The following EYS variants were observed in gnomAD, a reference collection of about 807,000 sequenced individuals.
The protein encoded by EYS is EGF-like photoreceptor maintenance factor.
Under a neutral mutation model 282.1 loss-of-function variants are expected in EYS, and 250 were observed. The observed-to-expected ratio is 0.89, with a 90% CI of 0.80 to 0.98. The LOEUF (loss-of-function observed/expected upper bound fraction) is 0.98, where lower values mean the gene tolerates loss of function less well. Among genes scored for constraint, EYS ranks in the 50% least tolerant of loss-of-function variants. The probability of loss-of-function intolerance (pLI) is 0.00; values close to 1 mark genes in which losing one functional copy is unlikely to be tolerated. For synonymous variants in EYS, 1,355 were observed against 1,282.9 expected (o/e 1.06, Z -1.20); for missense variants, 4,016 against 3,709.0 (o/e 1.08, Z -2.15).
chr6:65,194,292 C>G (rs1442944101), intron 12 of EYS, among the ~76,000 whole-genome samples: 1 of 151,870 alleles, frequency 6.6e-6, no homozygotes, highest in African/African-American at 2.4e-5. Flanking sequence ...TCCATTACTA[C>G]AGTTTGATAT....
At chr6:64,262,287 TA>T (rs1336564529) in intron 30 of EYS, among the ~76,000 whole-genome samples, 1 of 151,828 alleles carries the variant, frequency 6.6e-6, no homozygotes, top group Non-Finnish European at 1.5e-5. Flanking sequence ...TGGTAAACAT[TA>T]TCTGAGTTTT....
intron 26 of EYS, among the ~76,000 whole-genome samples, chr6:64,471,507 C>G (rs891857155): frequency 5.9e-5 from 9 of 151,968 alleles, no homozygotes; most frequent in Admixed American, 6.6e-5. Context: ...TACAAAAATA[C>G]CTAGGAATAA....
At chr6:64,019,618 C>T (rs1391553880) in intron 33 of EYS, among the ~76,000 whole-genome samples, 2 of 151,584 alleles carry the variant, frequency 1.3e-5, no homozygotes, top group Non-Finnish European at 2.9e-5. Context: ...ACCATATTGG[C>T]CAGGCTGGTC....
At chr6:65,534,832 AAAC>A (rs1403618380) in intron 2 of EYS, among the ~76,000 whole-genome samples, 1 of 152,174 alleles carries the variant, frequency 6.6e-6, no homozygotes, top group African/African-American at 2.4e-5. Flanking sequence ...TGCTCTGAAT[AAAC>A]AACTTTTACT....
chr6:64,608,912 T>C (rs144865615), intron 24 of EYS, among the ~76,000 whole-genome samples: 1 of 152,288 alleles, frequency 6.6e-6, no homozygotes, highest in Non-Finnish European at 1.5e-5. Flanking sequence ...GACAGAGGAA[T>C]TCACAGGAGG....
At chr6:64,751,296 C>T (rs1772745683) in intron 22 of EYS, among the ~76,000 whole-genome samples, 1 of 152,222 alleles carries the variant, frequency 6.6e-6, no homozygotes. Flanking sequence ...TCTTTCCACT[C>T]CACACTTAGA....
chr6:65,693,613 G>A (rs1392695434), intron 1 of EYS, among the ~76,000 whole-genome samples: 1 of 149,732 alleles, frequency 6.7e-6, no homozygotes, highest in Non-Finnish European at 1.5e-5. Context: ...TAATATTAGA[G>A]AAGTATTAAG....
chr6:65,647,998 C>T (rs1365334478), intron 1 of EYS, among the ~76,000 whole-genome samples: 1 of 133,416 alleles, frequency 7.5e-6, no homozygotes, highest in Admixed American at 8.2e-5. Context: ...CTTACTGCTG[C>T]AAGAATGGCC....
intron 31 of EYS, among the ~76,000 whole-genome samples, chr6:64,226,763 A>T (rs183986446): frequency 6.6e-6 from 1 of 152,096 alleles, no homozygotes. Flanking sequence ...AGCTGATTGG[A>T]TGTGGATGAT....
chr6:64,583,592 T>A (rs1338756475), intron 26 of EYS, among the ~76,000 whole-genome samples: 2 of 152,124 alleles, frequency 1.3e-5, no homozygotes, highest in African/African-American at 4.8e-5. Flanking sequence ...GGTTAGGAGT[T>A]CAAGACCAGC....
At chr6:64,018,622 C>A (rs1769010661) in intron 33 of EYS, among the ~76,000 whole-genome samples, 1 of 152,010 alleles carries the variant, frequency 6.6e-6, no homozygotes, top group Non-Finnish European at 1.5e-5. Flanking sequence ...AAAGGTATTT[C>A]TATATCCTAA....
intron 5 of EYS, among the ~76,000 whole-genome samples, chr6:65,436,135 A>G (rs12213235): frequency 0.18 from 28,102 of 152,064 alleles, 3,218 homozygotes; most frequent in Middle Eastern, 0.29. Context: ...AAAGAAAACT[A>G]TCAATGTAAT....
At chr6:64,421,953 C>T (rs1774249544) in intron 28 of EYS, among the ~76,000 whole-genome samples, 1 of 151,032 alleles carries the variant, frequency 6.6e-6, no homozygotes, top group Non-Finnish European at 1.5e-5. Context: ...CCATCCTCCC[C>T]ATCAAGAAAC....
At chr6:64,336,147 T>C (rs919494872) in intron 29 of EYS, among the ~76,000 whole-genome samples, 2 of 152,068 alleles carry the variant, frequency 1.3e-5, no homozygotes, top group Non-Finnish European at 2.9e-5. Context: ...AATACTAACA[T>C]TGAATGTAAA....
At chr6:65,305,383 T>C (rs560345133) in intron 11 of EYS, among the ~76,000 whole-genome samples, 1 of 152,328 alleles carries the variant, frequency 6.6e-6, no homozygotes, top group African/African-American at 2.4e-5. Flanking sequence ...GCTGCTACCA[T>C]TAAGGACCAA....
intron 32 of EYS, among the ~76,000 whole-genome samples, chr6:64,066,852 G>T (rs977676690): frequency 6.6e-6 from 1 of 152,008 alleles, no homozygotes; most frequent in Non-Finnish European, 1.5e-5. Flanking sequence ...AATAATAAAT[G>T]AAAAGTGCCA....
At chr6:64,287,945 A>G (rs1768557824) in intron 30 of EYS, among the ~76,000 whole-genome samples, 2 of 152,170 alleles carry the variant, frequency 1.3e-5, no homozygotes, top group South Asian at 2.1e-4. Flanking sequence ...GATTGTATGA[A>G]TGAGTGAACT....
At chr6:65,526,423 C>G (rs1011029071) in intron 2 of EYS, among the ~76,000 whole-genome samples, 2 of 152,146 alleles carry the variant, frequency 1.3e-5, no homozygotes, top group Non-Finnish European at 2.9e-5. Context: ...CTTCTTATCT[C>G]TCATCACCAA....
chr6:65,206,027 A>G (rs1420535228), intron 12 of EYS, among the ~76,000 whole-genome samples: 1 of 151,830 alleles, frequency 6.6e-6, no homozygotes, highest in Admixed American at 6.6e-5. Context: ...GAAAAGAAAT[A>G]ACAGATATCA....
Sources: allele counts gnomAD v4.1 joint callset (sites outside exome capture counted in the v4.1 genomes callset), GRCh38; gene constraint gnomAD v4.1.1; transcripts MANE v1.5; gene names NCBI Gene and HGNC (gene_info 2026-07-23, HGNC 2026-07-21).